Variants in ZNF420 observed in about 807,000 individuals in gnomAD.
ZNF420 encodes ATM and p53-associated KZNF protein.
Under a neutral mutation model 44.7 loss-of-function variants are expected in ZNF420, and 31 were observed. The ratio of observed to expected loss-of-function variants is 0.69; its 90% CI spans 0.52 to 0.94. The LOEUF is 0.94. Among genes scored for constraint, ZNF420 ranks in the 40% least tolerant of loss-of-function variants. The pLI, the probability that ZNF420 is intolerant of heterozygous loss-of-function variation, is 0.00. For missense variants in ZNF420, 681 were observed against 827.9 expected, an observed-to-expected ratio of 0.82 and a Z score of 2.18; for synonymous variants, 245 against 267.4, an observed-to-expected ratio of 0.92 and a Z score of 0.82.
At chr19:37,071,394 A>G (rs73625236) in intron 1 of ZNF420, among the ~76,000 whole-genome samples, 2,002 of 152,364 alleles carry the variant, frequency 0.013, 47 homozygotes, top group African/African-American at 0.045. Flanking sequence ...AGCTGAAACT[A>G]TAAAGAAAAG....
chr19:37,037,848 C>T (rs898058205), intron 1 of ZNF420, among the ~76,000 whole-genome samples: 1 of 152,188 alleles, frequency 6.6e-6, no homozygotes, highest in African/African-American at 2.4e-5. Context: ...GTGACTAGCT[C>T]TATTGCGATA....
At chr19:37,029,294 C>T (rs1009736101) in intron 1 of ZNF420, among the ~76,000 whole-genome samples, 2 of 152,150 alleles carry the variant, frequency 1.3e-5, no homozygotes, top group Admixed American at 6.5e-5. Flanking sequence ...TATTCAAATG[C>T]ATCTAGAGTC....
intron 4 of ZNF420, among the ~76,000 whole-genome samples, chr19:37,126,555 A>G (rs547536458): frequency 2.6e-4 from 40 of 152,324 alleles, no homozygotes; most frequent in African/African-American, 9.6e-4. Flanking sequence ...GAATCAGTTG[A>G]TAGGAAGGAT....
chr19:37,053,378 A>T (rs1217857288), intron 1 of ZNF420, among the ~76,000 whole-genome samples: 1 of 152,150 alleles, frequency 6.6e-6, no homozygotes, highest in African/African-American at 2.4e-5. Context: ...GTCATTTTCC[A>T]TCCAGCTTTG....
intron 1 of ZNF420, among the ~76,000 whole-genome samples, chr19:37,023,220 A>G (rs2074662372): frequency 1.3e-5 from 2 of 152,222 alleles, no homozygotes; most frequent in Non-Finnish European, 2.9e-5. Context: ...CTTTTCATCA[A>G]TTTAACAGTA....
chr19:37,127,082 A>C, intron 4 of ZNF420, 46 bp from the exon 5 acceptor site: 2 of 1,420,400 alleles, frequency 1.4e-6, no homozygotes, highest in Non-Finnish European at 1.9e-6. Context: ...TGTCTTTTCT[A>C]TAGAAGTTAT....
At chr19:37,123,357 C>G in intron 4 of ZNF420, among the ~76,000 whole-genome samples, 1 of 152,158 alleles carries the variant, frequency 6.6e-6, no homozygotes, top group Non-Finnish European at 1.5e-5. Context: ...TTTCCTGTCT[C>G]TGAACTTTAG....
upstream of ZNF420, among the ~76,000 whole-genome samples, chr19:37,076,980 T>C (rs1968173408): frequency 1.3e-5 from 2 of 152,168 alleles, no homozygotes; most frequent in Admixed American, 6.5e-5. Context: ...AAATTTGCTA[T>C]TCCAGTCACA....
At chr19:37,112,176 C>T (rs959757429) in intron 4 of ZNF420, among the ~76,000 whole-genome samples, 18 of 152,056 alleles carry the variant, frequency 1.2e-4, no homozygotes, top group African/African-American at 4.3e-4. Context: ...TACCCTATTG[C>T]TGCTGTTTCT....
chr19:37,054,397 T>A (rs556141851), intron 1 of ZNF420, among the ~76,000 whole-genome samples: 1 of 152,254 alleles, frequency 6.6e-6, no homozygotes, highest in Non-Finnish European at 1.5e-5. Context: ...CCCAGTGAGA[T>A]GAGCCTGGTA....
intron 1 of ZNF420, among the ~76,000 whole-genome samples, chr19:37,018,860 G>C (rs919939092): frequency 1.3e-5 from 2 of 152,128 alleles, no homozygotes. Context: ...ACAAGTCACT[G>C]TGCCCAGCCA....
At chr19:37,033,236 T>C (rs1967294706) in intron 1 of ZNF420, among the ~76,000 whole-genome samples, 1 of 152,216 alleles carries the variant, frequency 6.6e-6, no homozygotes, top group African/African-American at 2.4e-5. Context: ...CCATTTTAAG[T>C]GCATAGTTCA....
At chr19:37,080,219 T>C (rs369915492) in intron 1 of ZNF420, 126 bp from the exon 2 acceptor site, 183 of 152,712 alleles carry the variant, frequency 1.2e-3, no homozygotes, top group African/African-American at 4.3e-3. Context: ...CTTATTCTAG[T>C]CTCCTCCTGA....
At chr19:37,051,696 G>A (rs1415344149) in intron 1 of ZNF420, among the ~76,000 whole-genome samples, 1 of 151,998 alleles carries the variant, frequency 6.6e-6, no homozygotes, top group African/African-American at 2.4e-5. Flanking sequence ...ATTTTTTGAA[G>A]GGTTTTTTGT....
chr19:37,031,629 C>T (rs1967259546), intron 1 of ZNF420, among the ~76,000 whole-genome samples: 2 of 152,074 alleles, frequency 1.3e-5, no homozygotes, highest in African/African-American at 4.8e-5. Context: ...CCTCAGCCTC[C>T]CGAGTAGCTG....
upstream of ZNF420, among the ~76,000 whole-genome samples, chr19:37,076,096 A>G (rs1311282484): frequency 2.0e-5 from 3 of 152,292 alleles, no homozygotes; most frequent in Non-Finnish European, 4.4e-5. Flanking sequence ...ATAAAATGTC[A>G]TAAGTTTAAT....
chr19:37,011,159 T>C (rs941484772), intron 1 of ZNF420, among the ~76,000 whole-genome samples: 5 of 152,206 alleles, frequency 3.3e-5, no homozygotes, highest in Non-Finnish European at 7.3e-5. Context: ...TCTGGTTCAA[T>C]GTCTTCAACA....
chr19:37,128,164 T>G lies in ZNF420; in HGVS notation c.1173T>G (p.Tyr391Ter). 2 of 1,614,096 alleles carry G rather than the reference T, an allele frequency of 1.2e-6. No individual in the cohort carries two copies. The highest frequency in any genetic ancestry group is 2.2e-5 in the East Asian group (1 of 44,878). ...HQRIHTNEKP[Y>*]ECKECGKMFS... ...GAATTCACACCAATGAAAAGCCCTA[T>G]GAATGTAAGGAATGTGGAAAGATGT... The change falls in exon 5 of 5, where the codon TAT (tyrosine) becomes TAG (stop). Residue 391 changes from tyrosine to a stop codon, truncating the protein, a stop_gained. Coordinates refer to ENST00000337995, the MANE Select transcript of ZNF420 (RefSeq NM_144689.5). LOFTEE classifies it high-confidence loss of function.
intron 1 of ZNF420, among the ~76,000 whole-genome samples, chr19:37,042,795 G>A (rs1472929585): frequency 6.6e-6 from 1 of 152,144 alleles, no homozygotes; most frequent in Non-Finnish European, 1.5e-5. Context: ...ATAGCTTTCA[G>A]CCTAGGTTTT....
Sources: allele counts gnomAD v4.1 joint callset (sites outside exome capture counted in the v4.1 genomes callset), GRCh38; gene constraint gnomAD v4.1.1; transcripts MANE v1.5; gene names NCBI Gene and HGNC (gene_info 2026-07-23, HGNC 2026-07-21).